The following SLAIN2 variants were observed in gnomAD, a reference collection of about 807,000 sequenced individuals.
SLAIN2 encodes the protein SLAIN family member 2, also known as SLAIN motif-containing protein 2.
SLAIN2 carries 31 observed loss-of-function variants against 56.6 expected under a neutral mutation model. The observed-to-expected ratio is 0.55, with a 90% CI of 0.41 to 0.74. The LOEUF is 0.74. Ranked by LOEUF, SLAIN2 falls within the 30% of genes least tolerant of loss-of-function variation. SLAIN2 has a pLI of 0.00. For synonymous variants in SLAIN2, 317 were observed against 284.9 expected (o/e 1.11, Z -1.13); for missense variants, 777 against 754.2 (o/e 1.03, Z -0.35).
At chr4:48,362,474 A>T (rs1370959087) in intron 1 of SLAIN2, among the ~76,000 whole-genome samples, 2 of 137,884 alleles carry the variant, frequency 1.5e-5, no homozygotes, top group Non-Finnish European at 3.1e-5. Context: ...GGTGGAGTGC[A>T]GTGGCTCAGT....
At chr4:48,371,110 T>TC (rs1345525480) in intron 2 of SLAIN2, among the ~76,000 whole-genome samples, 1 of 118,184 alleles carries the variant, frequency 8.5e-6, no homozygotes, top group Non-Finnish European at 1.8e-5. Flanking sequence ...TTTTGTTTTG[T>TC]TTTTTTTTTT....
In SLAIN2 at chr4:48,426,052, A is replaced by G. The variant is rs1304734844; in HGVS notation, c.*3975A>G. 5.3e-5 allele frequency: 8 copies of G among 152,206 alleles called. No individual in the cohort carries two copies. In the East Asian group the frequency reaches 1.5e-3, roughly 29 times the overall value. The allele number at this position is 152,206 out of a possible 1,614,324, so 9.4% of individuals were successfully genotyped here. On this transcript the variant is annotated 3_prime_UTR_variant, in exon 8 of 8. Coordinates refer to ENST00000264313, the MANE Select transcript of SLAIN2 (RefSeq NM_020846.2). ...TAAAAATATTAAAAAGTATAAAGGT[A>G]AAAAATGATAGTTGTCTGCAATCCC... is the stretch of plus-strand genomic sequence containing the variant.
At chr4:48,353,815 C>T (rs562223340) in intron 1 of SLAIN2, among the ~76,000 whole-genome samples, 5 of 152,038 alleles carry the variant, frequency 3.3e-5, no homozygotes, top group South Asian at 4.2e-4. Context: ...TGTAACAGTC[C>T]GTACTTGATG....
intron 6 of SLAIN2, among the ~76,000 whole-genome samples, chr4:48,408,530 C>CAAAAAAA (rs3072283): frequency 2.8e-5 from 3 of 109,044 alleles, no homozygotes; most frequent in African/African-American, 3.6e-5. Flanking sequence ...CCGTTTTTAG[C>CAAAAAAA]AAAAAAAAAA....
At position 48,412,420 on chromosome 4, in the gene SLAIN2, CCTCTCT is replaced by C. The variant is rs71191222; in HGVS notation, c.1361-7692_1361-7687del. Among the ~76,000 whole-genome samples the C allele has an allele frequency of 3.4e-3, 464 of 136,946 alleles. 25 individuals carry two copies. The East Asian group carries it at 0.08, about 24-fold the overall frequency. The allele number at this position is 136,946 out of a possible 152,430, so 89.8% of individuals were successfully genotyped here. On this transcript the variant is annotated intron_variant, in intron 6 of 7. Transcript: ENST00000264313. ...CACACACACACACACACACACATTC[CCTCTCT>C]CTCTCTCTCTCTGTGTCTCAGCTTT...
rs751172896 is a variant in SLAIN2 at position 48,379,818 on chromosome 4, G to A, written c.832G>A (p.Val278Ile). 5.7e-6 allele frequency: 9 copies of A among 1,571,750 alleles called. No homozygotes were observed. In the Admixed American group the frequency reaches 6.1e-5, roughly 11 times the overall value. ...SNYKLNDVTDVQILARMQEES... is the reference protein window; with the variant it reads ...SNYKLNDVTDIQILARMQEES... Reference sequence around the variant, plus strand: ...TTATAAGCTAAATGATGTAACTGATGTACAGATTCTAGCCCGGATGCAGGA... The same window carrying A: ...TTATAAGCTAAATGATGTAACTGATATACAGATTCTAGCCCGGATGCAGGA... Residue 278 changes from valine to isoleucine, a missense_variant, in exon 4 of 8, where the codon GTA becomes ATA. Coordinates refer to ENST00000264313, the MANE Select transcript of SLAIN2 (RefSeq NM_020846.2).
chr4:48,360,124 A>G (rs1303403347), intron 1 of SLAIN2, among the ~76,000 whole-genome samples: 2 of 151,158 alleles, frequency 1.3e-5, no homozygotes, highest in Non-Finnish European at 2.9e-5. Context: ...ATTGCATTCC[A>G]GCCTGGGTGG....
chr4:48,343,589 G>C (rs1194660465), intron 1 of SLAIN2, among the ~76,000 whole-genome samples: 1 of 152,178 alleles, frequency 6.6e-6, no homozygotes, highest in African/African-American at 2.4e-5. Context: ...TACTGACAGT[G>C]CTCAGTAACT....
chr4:48,400,962 C>G (rs1278300809), intron 6 of SLAIN2, among the ~76,000 whole-genome samples: 1 of 152,124 alleles, frequency 6.6e-6, no homozygotes, highest in Non-Finnish European at 1.5e-5. Flanking sequence ...ATTGCCTTAG[C>G]TGCATCCTAG....
Position 48,382,907 on chromosome 4 carries a change from C to G in SLAIN2, c.1202C>G (p.Thr401Arg). ...SLQGHPTDLQ[T>R]SNVKNEEKLR... Reference sequence around the variant, plus strand: ...CAAGGCCATCCCACAGATTTACAGACAAGCAATGTTAAAAATGAAGGTAAA... The same window carrying G: ...CAAGGCCATCCCACAGATTTACAGAGAAGCAATGTTAAAAATGAAGGTAAA... Residue 401 changes from threonine (T) to arginine (R), a missense_variant, in exon 5 of 8, where the codon ACA becomes AGA. Physicochemically the swap from Thr to Arg is moderately conservative, Grantham distance 71. Coordinates refer to ENST00000264313, the MANE Select transcript of SLAIN2 (RefSeq NM_020846.2). 1.9e-6 allele frequency: 3 copies of G among 1,607,982 alleles called. No individual in the cohort carries two copies. The highest frequency in any genetic ancestry group is 2.6e-6 in the Non-Finnish European group (3 of 1,175,738).
In SLAIN2 at chr4:48,425,992, C is replaced by T. The variant is rs1273078412; in HGVS notation, c.*3915C>T. 6.6e-6 allele frequency: 1 copy of T among 151,946 alleles called. No individual in the cohort carries two copies. The highest frequency in any genetic ancestry group is 1.5e-5 in the Non-Finnish European group (1 of 67,974). The allele number at this position is 151,946 out of a possible 1,614,324, so 9.4% of individuals were successfully genotyped here. On this transcript the variant is annotated 3_prime_UTR_variant, in exon 8 of 8. Transcript: ENST00000264313. ...TAAAAAAATCTGTTTCTTCTGATTTCGAAAGTAATAGAAACTCTGCTGTAG... is the reference window on the plus strand; with the variant it reads ...TAAAAAAATCTGTTTCTTCTGATTTTGAAAGTAATAGAAACTCTGCTGTAG...
At chr4:48,387,747 CAAA>C (rs1228916936) in intron 6 of SLAIN2, among the ~76,000 whole-genome samples, 6 of 150,892 alleles carry the variant, frequency 4.0e-5, no homozygotes, top group Non-Finnish European at 8.9e-5. Context: ...TAACATGAAG[CAAA>C]AAAAGTGTTA....
intron 6 of SLAIN2, among the ~76,000 whole-genome samples, chr4:48,395,467 A>T (rs1716352450): frequency 1.3e-5 from 2 of 152,088 alleles, no homozygotes; most frequent in African/African-American, 4.8e-5. Flanking sequence ...GAAAAGAAAA[A>T]ATTTGGTTAC....
intron 6 of SLAIN2, among the ~76,000 whole-genome samples, chr4:48,396,565 T>C (rs1315346617): frequency 6.6e-6 from 1 of 152,188 alleles, no homozygotes; most frequent in African/African-American, 2.4e-5. Context: ...GGGGTCTGCA[T>C]TGACTGGCAG....
chr4:48,344,180 T>C (rs1412892198), intron 1 of SLAIN2, among the ~76,000 whole-genome samples: 1 of 152,194 alleles, frequency 6.6e-6, no homozygotes, highest in African/African-American at 2.4e-5. Context: ...TGGCTTCATA[T>C]CTTGATATTA....
chr4:48,421,915 GC>G, intron 7 of SLAIN2, 95 bp from the exon 8 acceptor site: 1 of 1,002,660 alleles, frequency 1.0e-6, no homozygotes, highest in South Asian at 1.4e-5. Flanking sequence ...GGATCGTGAT[GC>G]CACCTGAAGA....
At chr4:48,387,537 ATG>A (rs1339062682) in intron 6 of SLAIN2, 1 of 151,312 alleles carries the variant, frequency 6.6e-6, no homozygotes, top group Admixed American at 6.6e-5. Context: ...GTAAGGTACC[ATG>A]TTTTTTTTTT....
intron 6 of SLAIN2, among the ~76,000 whole-genome samples, chr4:48,391,468 G>A (rs977410852): frequency 2.0e-5 from 3 of 152,144 alleles, no homozygotes; most frequent in Non-Finnish European, 4.4e-5. Flanking sequence ...TATTTTTCAG[G>A]GAGGAGTGCT....
intron 2 of SLAIN2, among the ~76,000 whole-genome samples, chr4:48,370,848 T>C (rs1225355772): frequency 3.9e-5 from 6 of 152,214 alleles, no homozygotes; most frequent in South Asian, 4.1e-4. Context: ...AAATTACTTA[T>C]TTTGGCTTTA....
Sources: allele counts gnomAD v4.1 joint callset (sites outside exome capture counted in the v4.1 genomes callset), GRCh38; gene constraint gnomAD v4.1.1; transcripts MANE v1.5; gene names NCBI Gene and HGNC (gene_info 2026-07-23, HGNC 2026-07-21).